TPX2: variants seen among roughly 807,000 people sequenced by gnomAD.
TPX2 encodes the protein targeting protein for Xklp2.
In TPX2, 21 loss-of-function variants were observed where a neutral mutation model predicts 93.6. The ratio of observed to expected loss-of-function variants is 0.22; its 90% CI spans 0.16 to 0.32. The LOEUF is 0.32. TPX2 is among the 10% of genes least tolerant of loss of function. TPX2 has a pLI of 1.00. For synonymous variants in TPX2, 281 were observed against 298.3 expected, an observed-to-expected ratio of 0.94 and a Z score of 0.60; for missense variants, 776 against 871.1, an observed-to-expected ratio of 0.89 and a Z score of 1.37.
chr20:31,753,591 T>C (rs2061833184), intron 2 of TPX2, among the ~76,000 whole-genome samples: 1 of 152,216 alleles, frequency 6.6e-6, no homozygotes, highest in Admixed American at 6.5e-5. Context: ...ATCATGTTTC[T>C]ACACTAAGTA....
chr20:31,790,658 C>G lies in TPX2; in HGVS notation c.1414-2077C>G, dbSNP rs181363935. Among the ~76,000 whole-genome samples, 11 of 152,282 alleles carry G rather than the reference C, an allele frequency of 7.2e-5. 1 individual carries two copies. The highest frequency in any genetic ancestry group is 7.2e-4 in the Admixed American group (11 of 15,284). On this transcript the variant is annotated intron_variant, in intron 12 of 17. Transcript: ENST00000300403. Reference sequence around the variant, plus strand: ...TTAAGGAGAAGGCTCCCAAGGTATCCTCCTAGAGTCCAAGGTATAAATTCT... The same window carrying G: ...TTAAGGAGAAGGCTCCCAAGGTATCGTCCTAGAGTCCAAGGTATAAATTCT...
chr20:31,796,443 C>G (rs1041474116), intron 15 of TPX2, among the ~76,000 whole-genome samples: 1 of 152,142 alleles, frequency 6.6e-6, no homozygotes, highest in Non-Finnish European at 1.5e-5. Context: ...ATTTTTTAAA[C>G]AGTTGAATTG....
chr20:31,791,869 C>G (rs959346389), intron 12 of TPX2, among the ~76,000 whole-genome samples: 3 of 152,158 alleles, frequency 2.0e-5, no homozygotes, highest in Non-Finnish European at 4.4e-5. Flanking sequence ...TTCAAAACAG[C>G]AGCCAAGAGA....
intron 2 of TPX2, among the ~76,000 whole-genome samples, chr20:31,743,675 A>G (rs578249634): frequency 6.6e-4 from 101 of 151,960 alleles, no homozygotes; most frequent in African/African-American, 2.3e-3. Flanking sequence ...CCTGGGTGGC[A>G]GAAAGAGACC....
In TPX2 at chr20:31,801,105, G is replaced by T. The variant is rs200016903; in HGVS notation, c.*25G>T. On this transcript the variant is annotated 3_prime_UTR_variant, in exon 18 of 18. Transcript: ENST00000300403. ...AACTCAGCTGTGAGCTGCGGATACCGCCCGGCAATGGGACCTGCTCTTAAC... is the reference window on the plus strand; with the variant it reads ...AACTCAGCTGTGAGCTGCGGATACCTCCCGGCAATGGGACCTGCTCTTAAC... 4.2e-5 allele frequency: 67 copies of T among 1,596,900 alleles called. No individual in the cohort carries two copies. In the African/African-American group the frequency reaches 8.3e-4, roughly 20 times the overall value.
At chr20:31,786,584 A>G (rs2062068579) in intron 12 of TPX2, among the ~76,000 whole-genome samples, 1 of 152,082 alleles carries the variant, frequency 6.6e-6, no homozygotes, top group Admixed American at 6.5e-5. Flanking sequence ...TTGTATTTTT[A>G]GTAATGACTG....
chr20:31,769,404 C>T (rs1264571788), intron 5 of TPX2, among the ~76,000 whole-genome samples: 8 of 150,700 alleles, frequency 5.3e-5, no homozygotes, highest in Non-Finnish European at 8.9e-5. Flanking sequence ...CTGCAAGCTC[C>T]GCCTCCCGGG....
intron 2 of TPX2, among the ~76,000 whole-genome samples, chr20:31,755,343 C>T (rs912031817): frequency 6.6e-6 from 1 of 151,740 alleles, no homozygotes; most frequent in Non-Finnish European, 1.5e-5. Flanking sequence ...CCTGGCCTCT[C>T]AAAGTGCTGG....
At chr20:31,783,963 A>AT in intron 12 of TPX2, 42 bp downstream of exon 12, 1 of 1,597,158 alleles carries the variant, frequency 6.3e-7, no homozygotes, top group South Asian at 1.1e-5. Flanking sequence ...TGTACTGCTC[A>AT]TGACCAGATA....
chr20:31,754,214 TG>T (rs1028750265), intron 2 of TPX2, among the ~76,000 whole-genome samples: 2 of 152,006 alleles, frequency 1.3e-5, no homozygotes, highest in African/African-American at 4.8e-5. Flanking sequence ...ACCGAGTAGC[TG>T]GAACTACAGG....
chr20:31,757,229 A>G lies in TPX2; in HGVS notation c.-70-178A>G, dbSNP rs570594544. Among the ~76,000 whole-genome samples, 4 of 152,286 alleles carry G rather than the reference A, an allele frequency of 2.6e-5. No homozygotes were observed. The East Asian group carries it at 7.7e-4, about 29-fold the overall frequency. On this transcript the variant is annotated intron_variant, in intron 2 of 17. Transcript: ENST00000300403. ...GGCCCACTTCTTTCTAATTCCAAAC[A>G]TATCTACCTCAAGGAGTATCTTTAA...
At chr20:31,785,903 C>CTT (rs1404261531) in intron 12 of TPX2, among the ~76,000 whole-genome samples, 4 of 152,100 alleles carry the variant, frequency 2.6e-5, no homozygotes, top group Admixed American at 2.6e-4. Flanking sequence ...ATCCTTGTAC[C>CTT]TTACATACCA....
At chr20:31,750,091 C>T (rs1259636395) in intron 2 of TPX2, among the ~76,000 whole-genome samples, 1 of 151,564 alleles carries the variant, frequency 6.6e-6, no homozygotes, top group Admixed American at 6.6e-5. Context: ...GCGCATGCCA[C>T]GATGCCCAGC....
intron 17 of TPX2, 149 bp from the exon 18 acceptor site, chr20:31,800,821 G>GC (rs1192172292): frequency 4.5e-6 from 3 of 668,752 alleles, no homozygotes; most frequent in Non-Finnish European, 7.9e-6. Context: ...ATACCGTGTT[G>GC]CCCCCCAGGC....
At chr20:31,753,842 A>G (rs1350920944) in intron 2 of TPX2, among the ~76,000 whole-genome samples, 1 of 152,174 alleles carries the variant, frequency 6.6e-6, no homozygotes, top group Non-Finnish European at 1.5e-5. Flanking sequence ...CCTGGCCAAC[A>G]TGGTGAAACC....
chr20:31,785,899 G>T (rs565760156), intron 12 of TPX2, among the ~76,000 whole-genome samples: 11 of 152,054 alleles, frequency 7.2e-5, no homozygotes, highest in African/African-American at 2.7e-4. Flanking sequence ...CTATATCCTT[G>T]TACCTTACAT....
chr20:31,752,083 G>A (rs1227416528), intron 2 of TPX2, among the ~76,000 whole-genome samples: 2 of 152,040 alleles, frequency 1.3e-5, no homozygotes, highest in Non-Finnish European at 2.9e-5. Context: ...GCAGGTCATG[G>A]AAAATTGTAA....
chr20:31,793,570 G>A (rs1018099119), intron 13 of TPX2, among the ~76,000 whole-genome samples: 2 of 152,054 alleles, frequency 1.3e-5, no homozygotes, highest in East Asian at 3.8e-4. Context: ...GGTTGGGACC[G>A]ATCTTCTGAT....
intron 10 of TPX2, chr20:31,780,929 TGC>T (rs1248812605): frequency 2.4e-6 from 1 of 410,048 alleles, no homozygotes; most frequent in African/African-American, 2.1e-5. Context: ...CTTCTTGTTT[TGC>T]TTTTTAGAGA....
Sources: allele counts gnomAD v4.1 joint callset (sites outside exome capture counted in the v4.1 genomes callset), GRCh38; gene constraint gnomAD v4.1.1; transcripts MANE v1.5; gene names NCBI Gene and HGNC (gene_info 2026-07-23, HGNC 2026-07-21).